FBXL13: variants seen among roughly 807,000 people sequenced by gnomAD.
FBXL13 encodes F-box and leucine rich repeat protein 13, also known as F-box and leucine-rich repeat protein 13.
In FBXL13, 67 loss-of-function variants were observed where a neutral mutation model predicts 83.6. The ratio of observed to expected loss-of-function variants is 0.80; its 90% confidence interval spans 0.66 to 0.98. The LOEUF (loss-of-function observed/expected upper bound fraction) is 0.98, where lower values mean the gene tolerates loss of function less well. FBXL13 is among the 50% of genes least tolerant of loss of function. The pLI, the probability that FBXL13 is intolerant of heterozygous loss-of-function variation, is 0.00. For missense variants in FBXL13, 822 were observed against 866.5 expected (o/e 0.95, Z 0.64); for synonymous variants, 272 against 299.5 (o/e 0.91, Z 0.95).
intron 1 of FBXL13, among the ~76,000 whole-genome samples, chr7:103,066,386 A>C (rs1798390614): frequency 6.6e-6 from 1 of 151,836 alleles, no homozygotes; most frequent in Admixed American, 6.6e-5. Flanking sequence ...GGCTATTATG[A>C]ATGTAATTTC....
At chr7:102,903,939 CTT>C (rs1166655004) in intron 11 of FBXL13, among the ~76,000 whole-genome samples, 7 of 43,454 alleles carry the variant, frequency 1.6e-4, no homozygotes, top group Middle Eastern at 0.031. Flanking sequence ...CTTTTCTTTT[CTT>C]TTTTTTTTTT....
intron 7 of FBXL13, among the ~76,000 whole-genome samples, chr7:102,967,115 G>A (rs578021810): frequency 1.3e-5 from 2 of 150,170 alleles, no homozygotes; most frequent in African/African-American, 2.5e-5. Context: ...GACTACAGGC[G>A]CACGCTACCA....
chr7:102,848,542 C>T (rs1171913877), intron 17 of FBXL13, among the ~76,000 whole-genome samples: 8 of 25,594 alleles, frequency 3.1e-4, no homozygotes, highest in East Asian at 2.5e-3. Flanking sequence ...GGCGACAGAG[C>T]GAGACTCCGT....
chr7:103,004,895 A>C (rs897463832), intron 6 of FBXL13, among the ~76,000 whole-genome samples: 1 of 152,168 alleles, frequency 6.6e-6, no homozygotes, highest in Non-Finnish European at 1.5e-5. Flanking sequence ...CAGTTTGGAG[A>C]CGTTACTCCT....
intron 9 of FBXL13, among the ~76,000 whole-genome samples, chr7:102,931,245 A>G (rs187427739): frequency 1.3e-3 from 205 of 152,366 alleles, no homozygotes; most frequent in African/African-American, 4.7e-3. Context: ...ACTGCAAATT[A>G]GTGTGTACAC....
At chr7:102,898,459 CTTTT>C (rs986102694) in intron 11 of FBXL13, among the ~76,000 whole-genome samples, 6 of 151,992 alleles carry the variant, frequency 3.9e-5, no homozygotes, top group African/African-American at 1.5e-4. Flanking sequence ...GCCCAGCTAA[CTTTT>C]TTTATTATTT....
At chr7:102,951,048 C>G (rs1020772762) in intron 8 of FBXL13, among the ~76,000 whole-genome samples, 1 of 152,062 alleles carries the variant, frequency 6.6e-6, no homozygotes, top group African/African-American at 2.4e-5. Flanking sequence ...CCAATTGTAA[C>G]AAGTGTGTCA....
chr7:102,888,193 G>T (rs899063327), intron 11 of FBXL13, among the ~76,000 whole-genome samples: 1 of 152,184 alleles, frequency 6.6e-6, no homozygotes, highest in African/African-American at 2.4e-5. Context: ...TTAAATTTAG[G>T]AGTAAGATAA....
chr7:102,881,262 A>G (rs112939700), intron 14 of FBXL13, among the ~76,000 whole-genome samples: 5,447 of 151,840 alleles, frequency 0.036, 303 homozygotes, highest in African/African-American at 0.13. Flanking sequence ...CCTGGCCAAC[A>G]TGGTGAGACC....
intron 8 of FBXL13, among the ~76,000 whole-genome samples, chr7:102,959,998 G>A (rs1180087338): frequency 6.6e-6 from 1 of 152,022 alleles, no homozygotes; most frequent in Non-Finnish European, 1.5e-5. Flanking sequence ...ATATAGAAAT[G>A]TATTTTAGAA....
chr7:102,851,434 T>TCCCTCCTTCCCTCCC (rs1460525235), intron 17 of FBXL13, among the ~76,000 whole-genome samples: 64 of 145,500 alleles, frequency 4.4e-4, no homozygotes, highest in African/African-American at 1.6e-3. Flanking sequence ...CTTTCTCTCT[T>TCCCTCCTTCCCTCCC]TCTTCCCTCC....
At chr7:103,055,739 T>C in exon 2 of FBXL13, 1 of 1,264,074 alleles carries the variant, frequency 7.9e-7, no homozygotes, top group Non-Finnish European at 1.0e-6. Flanking sequence ...GTATACCACA[T>C]AACAGTGCCT....
chr7:102,941,600 A>C (rs1821453414), intron 8 of FBXL13, among the ~76,000 whole-genome samples: 1 of 152,150 alleles, frequency 6.6e-6, no homozygotes, highest in South Asian at 2.1e-4. Context: ...AGGTGAACCC[A>C]TTGGATGGCT....
At chr7:102,934,423 G>A in intron 8 of FBXL13, 1 of 1,614,202 alleles carries the variant, frequency 6.2e-7, no homozygotes, top group South Asian at 1.1e-5. Context: ...GTACTTGTGA[G>A]ATAGAAACGC....
intron 11 of FBXL13, among the ~76,000 whole-genome samples, chr7:102,910,265 C>A: frequency 6.6e-6 from 1 of 152,204 alleles, no homozygotes; most frequent in East Asian, 1.9e-4. Flanking sequence ...GTGGCACTGG[C>A]GATTCAGGAC....
At chr7:102,991,901 G>C (rs1319789400) in intron 6 of FBXL13, among the ~76,000 whole-genome samples, 1 of 152,096 alleles carries the variant, frequency 6.6e-6, no homozygotes. Flanking sequence ...AGCTGGCTCT[G>C]CTCCTGACTG....
In FBXL13 at chr7:102,834,072, GGAAGGAAGGAAAGA is replaced by G. The variant is rs1801253113; in HGVS notation, c.1720-1112_1720-1099del. ...AGGAAGGAAGGAAGGAAGGAAGGAA[GGAAGGAAGGAAAGA>G]AAAGAAAGAAAGAAAGAAAGAAAGA... On this transcript the variant is annotated intron_variant, in intron 17 of 19. Coordinates refer to ENST00000313221, the Ensembl canonical transcript of FBXL13. Among the ~76,000 whole-genome samples the G allele has an allele frequency of 1.4e-4, 15 of 109,300 alleles. No individual in the cohort carries two copies. In the East Asian group the frequency reaches 2.2e-3, roughly 16 times the overall value. 71.7% of individuals were successfully genotyped at this position (109,300 alleles called of 152,430 possible).
intron 6 of FBXL13, among the ~76,000 whole-genome samples, chr7:103,019,857 A>C (rs1362740188): frequency 2.0e-5 from 3 of 152,218 alleles, no homozygotes; most frequent in Non-Finnish European, 4.4e-5. Context: ...AGAAAAGGCC[A>C]GGACCAGATA....
In FBXL13 at chr7:102,877,572, C is replaced by G. The variant is rs756557162; in HGVS notation, c.1530G>C (p.Leu510Phe). Residue 510 changes from leucine (L) to phenylalanine (F), a missense_variant, in exon 16 of 20, where the codon TTG becomes TTC. Coordinates refer to ENST00000313221, the Ensembl canonical transcript of FBXL13. ...TCAAATGTTCACAATTTCGTAAACTCAAGTAGTTTAAATTAGGGCAGCTAA... is the reference window on the plus strand; with the variant it reads ...TCAAATGTTCACAATTTCGTAAACTGAAGTAGTTTAAATTAGGGCAGCTAA... 2.5e-6 allele frequency: 4 copies of G among 1,608,820 alleles called. No homozygotes were observed. The South Asian group carries it at 4.5e-5, about 18-fold the overall frequency.
Sources: allele counts gnomAD v4.1 joint callset (sites outside exome capture counted in the v4.1 genomes callset), GRCh38; gene constraint gnomAD v4.1.1; transcripts MANE v1.5; gene names NCBI Gene and HGNC (gene_info 2026-07-23, HGNC 2026-07-21).